The following CLN6 variants were observed in gnomAD, a reference collection of about 807,000 sequenced individuals.
CLN6 encodes CLN6 transmembrane ER protein, also known as ceroid-lipofuscinosis neuronal protein 6.
In CLN6, 22 loss-of-function variants were observed where a neutral mutation model predicts 33.3. The observed-to-expected ratio is 0.66, with a 90% CI of 0.47 to 0.94. The LOEUF (loss-of-function observed/expected upper bound fraction) is 0.94, where lower values mean the gene tolerates loss of function less well. CLN6 is among the 40% of genes least tolerant of loss of function. The probability of loss-of-function intolerance (pLI) is 0.00; values close to 1 mark genes in which losing one functional copy is unlikely to be tolerated. For missense variants in CLN6, 387 were observed against 417.1 expected, an observed-to-expected ratio of 0.93 and a Z score of 0.63; for synonymous variants, 201 against 174.6, an observed-to-expected ratio of 1.15 and a Z score of -1.19.
rs1429165917 is a variant in CLN6 at position 68,246,269 on chromosome 15, G to C, written c.179+10421C>G. On this transcript the variant is annotated intron_variant, in intron 1 of 6. Coordinates refer to the CLN6 transcript ENST00000538696. This position sits in a 1 kb window ranked among gnomAD's most constrained non-coding sequence, Gnocchi z 4.5. ...ACCCAACTGCTGCAGAATACACATT[G>C]TTTTCATAAACACATGTAACATTCT... Among the ~76,000 whole-genome samples, 2 of 152,064 alleles carry C rather than the reference G, an allele frequency of 1.3e-5. No individual in the cohort carries two copies. Among genetic ancestry groups the C allele is most frequent in the African/African-American group, 4.8e-5 (2 of 41,372 alleles).
intron 1 of CLN6, 43 bp downstream of exon 1, chr15:68,229,459 G>A: frequency 1.4e-6 from 2 of 1,407,678 alleles, no homozygotes; most frequent in African/African-American, 3.0e-5. Flanking sequence ...AGGCCCCAGC[G>A]CACAGGCGCC....
intron 1 of CLN6, among the ~76,000 whole-genome samples, chr15:68,253,890 C>CA (rs1327147727): frequency 7.3e-6 from 1 of 136,486 alleles, no homozygotes; most frequent in Admixed American, 7.6e-5. Flanking sequence ...TTTTTTGAGA[C>CA]AGAGTCTCGC....
intron 1 of CLN6, among the ~76,000 whole-genome samples, chr15:68,255,885 T>C (rs1032991188): frequency 2.6e-5 from 4 of 152,102 alleles, no homozygotes; most frequent in Non-Finnish European, 4.4e-5. Context: ...CCTCAACTTA[T>C]CAGTTTTAAA....
Position 68,208,493 on chromosome 15 carries a change from C to T in CLN6, c.666-83G>A. The T allele has an allele frequency of 2.0e-6, 3 of 1,530,276 alleles. No homozygotes were observed. The highest frequency in any genetic ancestry group is 2.7e-6 in the Non-Finnish European group (3 of 1,117,686). The allele number at this position is 1,530,276 out of a possible 1,614,324, so 94.8% of individuals were successfully genotyped here. On this transcript the variant is annotated intron_variant, in intron 6 of 6. Transcript: ENST00000249806. This position sits in a 1 kb window ranked among gnomAD's most constrained non-coding sequence, Gnocchi z 5.8. ...TCCCTTCCTGTGTGCGAGAGCCAGG[C>T]TGCCCTCCAGGCAGGCAGAAGAGTC... is the stretch of plus-strand genomic sequence containing the variant.
intron 1 of CLN6, among the ~76,000 whole-genome samples, chr15:68,244,910 C>T (rs1892314911): frequency 6.6e-6 from 1 of 151,438 alleles, no homozygotes; most frequent in Non-Finnish European, 1.5e-5. Flanking sequence ...AAAAATCAGC[C>T]AGGTGTGATG....
At position 68,236,662 on chromosome 15, in the gene CLN6, G is replaced by A. The variant is rs182604171; in HGVS notation, c.180-18012C>T. Among the ~76,000 whole-genome samples the A allele has an allele frequency of 1.3e-5, 2 of 152,288 alleles. No individual in the cohort carries two copies. The highest frequency in any genetic ancestry group is 1.3e-4 in the Admixed American group (2 of 15,298). On this transcript the variant is annotated intron_variant, in intron 1 of 6. Transcript: ENST00000538696. The surrounding 1 kb of genome is among the most constrained non-coding windows in gnomAD (Gnocchi z 4.5). ...ATAAATGTTCTGGCATTAAGTAGTG[G>A]TAATGACTTCACAACTTCTGTGAAT...
At chr15:68,252,192 T>C (rs1201878908) in intron 1 of CLN6, among the ~76,000 whole-genome samples, 1 of 152,108 alleles carries the variant, frequency 6.6e-6, no homozygotes, top group Non-Finnish European at 1.5e-5. Context: ...CTGGCTCGTT[T>C]TGAACTCCCA....
In CLN6 at chr15:68,241,795, C is replaced by A. The variant is rs144315516; in HGVS notation, c.179+14895G>T. Among the ~76,000 whole-genome samples the A allele has an allele frequency of 7.6e-4, 115 of 152,258 alleles. No homozygotes were observed. The highest frequency in any genetic ancestry group is 3.4e-3 in the Middle Eastern group (1 of 294). On this transcript the variant is annotated intron_variant, in intron 1 of 6. Coordinates refer to the CLN6 transcript ENST00000538696. This position sits in a 1 kb window ranked among gnomAD's most constrained non-coding sequence, Gnocchi z 4.2. ...ACTGCCAGGATATCTGCTCTGGGACCTCCCCCATTTGGAACTTCAGTGTTC... is the reference window on the plus strand; with the variant it reads ...ACTGCCAGGATATCTGCTCTGGGACATCCCCCATTTGGAACTTCAGTGTTC...
chr15:68,253,909 C>T (rs1332269453), intron 1 of CLN6, among the ~76,000 whole-genome samples: 1 of 151,394 alleles, frequency 6.6e-6, no homozygotes, highest in Non-Finnish European at 1.5e-5. Flanking sequence ...GCTCTGTCGC[C>T]CAGGCTGGAG....
At position 68,256,904 on chromosome 15, in the gene CLN6, G is replaced by A; in HGVS notation, c.-36C>T. 1.2e-5 allele frequency: 8 copies of A among 653,050 alleles called. No homozygotes were observed. The highest frequency in any genetic ancestry group is 5.4e-5 in the East Asian group (2 of 36,728). The allele number at this position is 653,050 out of a possible 1,614,324, so 40.5% of individuals were successfully genotyped here. ...GGCAAGGTCCTGGGCGCGGCTCTGGGGAGGGTCAGGGTGCGCGTCCCACCG... is the reference window on the plus strand; with the variant it reads ...GGCAAGGTCCTGGGCGCGGCTCTGGAGAGGGTCAGGGTGCGCGTCCCACCG... On this transcript the variant is annotated 5_prime_UTR_variant, in exon 1 of 7. Coordinates refer to the CLN6 transcript ENST00000538696. This position sits in a 1 kb window ranked among gnomAD's most constrained non-coding sequence, Gnocchi z 4.1.
intron 1 of CLN6, among the ~76,000 whole-genome samples, chr15:68,252,101 G>A (rs1363680128): frequency 1.3e-5 from 2 of 151,580 alleles, no homozygotes; most frequent in Non-Finnish European, 2.9e-5. Context: ...AGCCTCCCGA[G>A]TAGCTGGGAT....
chr15:68,229,920 C>A (rs1474029537), upstream of CLN6, among the ~76,000 whole-genome samples: 1 of 152,170 alleles, frequency 6.6e-6, no homozygotes, highest in East Asian at 1.9e-4. Context: ...TGTTAGGGTC[C>A]CTTGCCTGCC....
At chr15:68,243,933 C>T (rs1303098964) in intron 1 of CLN6, among the ~76,000 whole-genome samples, 4 of 151,576 alleles carry the variant, frequency 2.6e-5, no homozygotes, top group African/African-American at 4.8e-5. Context: ...GGCCTGGTGG[C>T]GGGCGCCTAT....
chr15:68,238,653 T>G (rs1177093476), intron 1 of CLN6, among the ~76,000 whole-genome samples: 1 of 152,044 alleles, frequency 6.6e-6, no homozygotes, highest in African/African-American at 2.4e-5. Context: ...AATAGAAACA[T>G]GAAGGTGAAA....
In CLN6 at chr15:68,241,867, T is replaced by C. The variant is rs981772789; in HGVS notation, c.179+14823A>G. 2.0e-5 allele frequency among the ~76,000 whole-genome samples: 3 copies of C among 152,096 alleles called. No homozygotes were observed. The highest frequency in any genetic ancestry group is 2.9e-5 in the Non-Finnish European group (2 of 68,014). On this transcript the variant is annotated intron_variant, in intron 1 of 6. Coordinates refer to the CLN6 transcript ENST00000538696. This position sits in a 1 kb window ranked among gnomAD's most constrained non-coding sequence, Gnocchi z 4.2. Reference sequence around the variant, plus strand: ...GCAAACCTGGGCTTAAGAAATCATCTAGTGCCAAAAAGGAGGTAGTGACCT... The same window carrying C: ...GCAAACCTGGGCTTAAGAAATCATCCAGTGCCAAAAAGGAGGTAGTGACCT...
At position 68,220,161 on chromosome 15, in the gene CLN6, G is replaced by A. The variant is rs1468965794; in HGVS notation, c.84-1511C>T. On this transcript the variant is annotated intron_variant, in intron 1 of 6. Transcript: ENST00000249806. The surrounding 1 kb of genome is among the most constrained non-coding windows in gnomAD (Gnocchi z 4.2). The stretch of plus-strand genomic sequence containing the variant: ...AATCTCATTTTCTAGTGGCAGGCAA[G>A]ACAGGTTGGGTAGGCCTTCCCTAGG... Among the ~76,000 whole-genome samples the A allele has an allele frequency of 6.6e-6, 1 of 152,210 alleles. No homozygotes were observed. Among genetic ancestry groups the A allele is most frequent in the Non-Finnish European group, 1.5e-5 (1 of 68,036 alleles).
intron 1 of CLN6, chr15:68,254,502 A>C (rs1039997418): frequency 2.0e-5 from 7 of 350,534 alleles, no homozygotes; most frequent in Admixed American, 8.5e-5. Flanking sequence ...GTCTCTTAAT[A>C]AATTTTAATG....
chr15:68,245,723 G>C (rs1892323977), intron 1 of CLN6, among the ~76,000 whole-genome samples: 1 of 152,068 alleles, frequency 6.6e-6, no homozygotes, highest in African/African-American at 2.4e-5. Context: ...CTAATTAAGA[G>C]ACAGACAGTG....
At chr15:68,230,169 G>GGGAA (rs2093265948), upstream of CLN6, among the ~76,000 whole-genome samples, 2 of 152,152 alleles carry the variant, frequency 1.3e-5, no homozygotes, top group South Asian at 4.1e-4. The surrounding 1 kb of genome is among the most constrained non-coding windows in gnomAD (Gnocchi z 4.0). Context: ...CGGTGACAGT[G>GGGAA]GGAAGGAGCG....
Sources: gnomAD v4.1 joint callset for allele counts (sites outside exome capture counted in the v4.1 genomes callset) on GRCh38, gnomAD v4.1.1 for gene constraint, Gnocchi (gnomAD v3.1) non-coding constraint, MANE v1.5 for transcripts, NCBI Gene and HGNC (gene_info 2026-07-23, HGNC 2026-07-21) for gene names.